OPRL1: variants seen among roughly 807,000 people sequenced by gnomAD.
OPRL1 encodes the protein nociceptin receptor.
A neutral mutation model predicts 15.5 loss-of-function variants in OPRL1; 5 were observed. The observed-to-expected ratio is 0.32, with a 90% CI of 0.17 to 0.68. OPRL1 has a LOEUF of 0.68. OPRL1 is among the 30% of genes least tolerant of loss of function. The pLI is 0.72. For synonymous variants in OPRL1, 223 were observed against 230.2 expected, an observed-to-expected ratio of 0.97 and a Z score of 0.28; for missense variants, 406 against 515.3, an observed-to-expected ratio of 0.79 and a Z score of 2.05.
chr20:64,091,591 A>G (rs1478140128), intron 1 of OPRL1, among the ~76,000 whole-genome samples: 1 of 151,532 alleles, frequency 6.6e-6, no homozygotes, highest in Non-Finnish European at 1.5e-5. Context: ...GGGTGGGGGC[A>G]TTTCGGTGTG....
rs569943752 is a variant in OPRL1, at chr20:64,083,178, G to C, written c.-185+2826G>C. Among the ~76,000 whole-genome samples, 5 of 152,314 alleles carry C rather than the reference G, an allele frequency of 3.3e-5. No homozygotes were observed. The South Asian group carries it at 6.2e-4, about 19-fold the overall frequency. ...ACCCACAGAACGCCAGGTTGCCAGT[G>C]GGGGGCAGATCGGGATTAGGGGTAG... is the stretch of plus-strand genomic sequence containing the variant. On this transcript the variant is annotated intron_variant, in intron 1 of 4. Coordinates refer to ENST00000336866, the MANE Select transcript of OPRL1 (RefSeq NM_182647.4). This position sits in a 1 kb window ranked among gnomAD's most constrained non-coding sequence, Gnocchi z 4.9.
Position 64,100,114 on chromosome 20 carries a change from G to GC in OPRL1, c.*1315_*1316insC, listed in dbSNP as rs1436473257. 1 of 152,130 alleles carries GC rather than the reference G, an allele frequency of 6.6e-6. No homozygotes were observed. Among genetic ancestry groups the GC allele is most frequent in the African/African-American group, 2.4e-5 (1 of 41,392 alleles). 9.4% of individuals were successfully genotyped at this position (152,130 alleles called of 1,614,324 possible). ...TGTGAGGACACTGCGGGGGTTGGGG[G>GC]GGGGGCGTCTGTACCTCAGGGGATG... On this transcript the variant is annotated 3_prime_UTR_variant, in exon 5 of 5. Transcript: ENST00000336866.
chr20:64,083,749 C>T lies in OPRL1; in HGVS notation c.-185+3397C>T. On this transcript the variant is annotated intron_variant, in intron 1 of 4. Transcript: ENST00000336866. The surrounding 1 kb of genome is among the most constrained non-coding windows in gnomAD (Gnocchi z 4.9). ...TGAGCGCGCGCCGAGCCCCGCCCCG[C>T]CCCGCCCCGGCCGGCTCCGCTCAAC... 1 of 1,337,876 alleles carries T rather than the reference C, an allele frequency of 7.5e-7. No homozygotes were observed. Among genetic ancestry groups the T allele is most frequent in the South Asian group, 1.9e-5 (1 of 51,664 alleles). The allele number at this position is 1,337,876 out of a possible 1,614,324, so 82.9% of individuals were successfully genotyped here.
In OPRL1 at chr20:64,097,435, C is replaced by A. The variant is rs1979311864; in HGVS notation, c.234-367C>A. On this transcript the variant is annotated intron_variant, in intron 3 of 4. Transcript: ENST00000336866. This position sits in a 1 kb window ranked among gnomAD's most constrained non-coding sequence, Gnocchi z 4.2. ...GGAGGGGACTCAAAAGCAAGGGGAG[C>A]AGACTCTTTCCCTTAGGGCTCTAAA... Among the ~76,000 whole-genome samples the A allele has an allele frequency of 6.6e-6, 1 of 152,116 alleles. No individual in the cohort carries two copies. The highest frequency in any genetic ancestry group is 2.4e-5 in the African/African-American group (1 of 41,422).
At chr20:64,082,632 G>A (rs1169227192) in intron 1 of OPRL1, among the ~76,000 whole-genome samples, 1 of 152,188 alleles carries the variant, frequency 6.6e-6, no homozygotes, top group Non-Finnish European at 1.5e-5. Flanking sequence ...AAAAGGAAGC[G>A]GGGGCCTAGG....
intron 1 of OPRL1, among the ~76,000 whole-genome samples, chr20:64,088,239 GC>G (rs2060070660): frequency 6.6e-6 from 1 of 152,252 alleles, no homozygotes; most frequent in Non-Finnish European, 1.5e-5. Flanking sequence ...CTGGGGTGGG[GC>G]AGGATCCATG....
At position 64,083,464 on chromosome 20, in the gene OPRL1, T is replaced by C. The variant is rs757740596; in HGVS notation, c.-185+3112T>C. The C allele has an allele frequency of 2.5e-6, 4 of 1,607,572 alleles. No individual in the cohort carries two copies. The highest frequency in any genetic ancestry group is 3.4e-6 in the Non-Finnish European group (4 of 1,177,884). On this transcript the variant is annotated intron_variant, in intron 1 of 4. Coordinates refer to ENST00000336866, the MANE Select transcript of OPRL1 (RefSeq NM_182647.4). The surrounding 1 kb of genome is among the most constrained non-coding windows in gnomAD (Gnocchi z 4.9). Reference sequence around the variant, plus strand: ...CGCGGGAAGATGGTGCCATCCACGTTCTCCTCCAGGATGGTCTCCACGCGC... The same window carrying C: ...CGCGGGAAGATGGTGCCATCCACGTCCTCCTCCAGGATGGTCTCCACGCGC...
At chr20:64,093,162 T>C (rs1274909159) in intron 3 of OPRL1, among the ~76,000 whole-genome samples, 1 of 150,894 alleles carries the variant, frequency 6.6e-6, no homozygotes, top group African/African-American at 2.4e-5. Flanking sequence ...GGGCTGGCCC[T>C]GGCCCACCGC....
intron 3 of OPRL1, among the ~76,000 whole-genome samples, chr20:64,095,512 C>T (rs1421792891): frequency 6.6e-6 from 1 of 150,546 alleles, no homozygotes; most frequent in South Asian, 2.1e-4. Context: ...TGATGGACCT[C>T]AAATCTATCC....
In OPRL1 at chr20:64,097,040, CCAT is replaced by C. The variant is rs878900676; in HGVS notation, c.234-756_234-754del. Among the ~76,000 whole-genome samples, 266 of 7,068 alleles carry C rather than the reference CCAT, an allele frequency of 0.038. 72 individuals carry two copies. Among genetic ancestry groups the C allele is most frequent in the Middle Eastern group, 0.11 (2 of 18 alleles). The allele number at this position is 7,068 out of a possible 152,430, so 4.6% of individuals were successfully genotyped here. ...ACCATCACCATCATCACAGTCATCA[CCAT>C]CATCACCATCATCATCATCACCACT... On this transcript the variant is annotated intron_variant, in intron 3 of 4. Coordinates refer to ENST00000336866, the MANE Select transcript of OPRL1 (RefSeq NM_182647.4). The surrounding 1 kb of genome is among the most constrained non-coding windows in gnomAD (Gnocchi z 4.2).
At position 64,098,803 on chromosome 20, in the gene OPRL1, G is replaced by A. The variant is rs1480739889; in HGVS notation, c.*4G>A. On this transcript the variant is annotated 3_prime_UTR_variant, in exon 5 of 5. Coordinates refer to ENST00000336866, the MANE Select transcript of OPRL1 (RefSeq NM_182647.4). The stretch of plus-strand genomic sequence containing the variant: ...GACGGTACCGCGGCCCGCATGACTA[G>A]GCGTGGACCTGCCCATGGTGCCTGT... 3.8e-6 allele frequency: 6 copies of A among 1,582,946 alleles called. No homozygotes were observed. Among genetic ancestry groups the A allele is most frequent in the Non-Finnish European group, 5.1e-6 (6 of 1,170,224 alleles).
At chr20:64,092,988 C>G in intron 3 of OPRL1, 35 bp downstream of exon 3, 6 of 1,578,538 alleles carry the variant, frequency 3.8e-6, no homozygotes, top group Non-Finnish European at 5.2e-6. Context: ...TCTGGTGAGT[C>G]CCACACGGCT....
Position 64,083,908 on chromosome 20 carries a change from G to A in OPRL1, c.-185+3556G>A, listed in dbSNP as rs113352891. On this transcript the variant is annotated intron_variant, in intron 1 of 4. Coordinates refer to ENST00000336866, the MANE Select transcript of OPRL1 (RefSeq NM_182647.4). This position sits in a 1 kb window ranked among gnomAD's most constrained non-coding sequence, Gnocchi z 4.9. ...CGCCGAGGAGCCGGTTCTGGCGCTC[G>A]GCGGGCAGCTCGAGCGACTGCGTCC... is the stretch of plus-strand genomic sequence containing the variant. The A allele has an allele frequency of 2.1e-6, 3 of 1,446,804 alleles. No individual in the cohort carries two copies. Among genetic ancestry groups the A allele is most frequent in the Non-Finnish European group, 2.7e-6 (3 of 1,105,566 alleles). The allele number at this position is 1,446,804 out of a possible 1,614,324, so 89.6% of individuals were successfully genotyped here.
chr20:64,083,341 G>A lies in OPRL1; in HGVS notation c.-185+2989G>A. On this transcript the variant is annotated intron_variant, in intron 1 of 4. Transcript: ENST00000336866. The surrounding 1 kb of genome is among the most constrained non-coding windows in gnomAD (Gnocchi z 4.9). ...GTCCATACTCCCCGCTTCCCTCGGG[G>A]TCCTGGGGAGTGGCAGCAAAAAGAC... 1 of 1,573,642 alleles carries A rather than the reference G, an allele frequency of 6.4e-7. No individual in the cohort carries two copies.
rs2059951055 is a variant in OPRL1 at position 64,080,175 on chromosome 20, G to C, written c.-362G>C. 6.6e-6 allele frequency: 1 copy of C among 152,182 alleles called. No homozygotes were observed. Among genetic ancestry groups the C allele is most frequent in the Non-Finnish European group, 1.5e-5 (1 of 68,044 alleles). 9.4% of individuals were successfully genotyped at this position (152,182 alleles called of 1,614,324 possible). A position where few individuals can be genotyped will look rare whatever the true frequency, so the allele number is the denominator to read the frequency against. On this transcript the variant is annotated 5_prime_UTR_variant, in exon 1 of 5. Transcript: ENST00000336866. ...GTGGAGCCCTGGCTCCCGGGCGGACGGAGCCGCACGGTAGTAGATGGGGGT... is the reference window on the plus strand; with the variant it reads ...GTGGAGCCCTGGCTCCCGGGCGGACCGAGCCGCACGGTAGTAGATGGGGGT...
At position 64,090,447 on chromosome 20, in the gene OPRL1, C is replaced by T. The variant is rs1041446906; in HGVS notation, c.-184-1519C>T. Among the ~76,000 whole-genome samples the T allele has an allele frequency of 1.3e-5, 2 of 152,188 alleles. No individual in the cohort carries two copies. The highest frequency in any genetic ancestry group is 1.3e-4 in the Admixed American group (2 of 15,290). Reference sequence around the variant, plus strand: ...GCCAGGTATCCTAGCAACGCTGCTGCCAGTTGCCTAGCAACCAGGTCCCCA... The same window carrying T: ...GCCAGGTATCCTAGCAACGCTGCTGTCAGTTGCCTAGCAACCAGGTCCCCA... On this transcript the variant is annotated intron_variant, in intron 1 of 4. Coordinates refer to ENST00000336866, the MANE Select transcript of OPRL1 (RefSeq NM_182647.4). The surrounding 1 kb of genome is among the most constrained non-coding windows in gnomAD (Gnocchi z 4.9).
rs745704885 is a variant in OPRL1, at chr20:64,098,367, C to T, written c.681C>T (p.Pro227=). The T allele has an allele frequency of 8.1e-6, 13 of 1,613,776 alleles. No homozygotes were observed. In the East Asian group the frequency reaches 1.3e-4, roughly 17 times the overall value. Residue 227 remains proline, a synonymous_variant, in exon 5 of 5, where the codon CCC becomes CCT. Transcript: ENST00000336866. ...ICIFLFSFIV[P]VLVISVCYSL... ...TCTTCCTCTTCTCCTTCATCGTCCC[C>T]GTGCTCGTCATCTCTGTCTGCTACA... is the stretch of plus-strand genomic sequence containing the variant.
chr20:64,086,041 G>A (rs1198661790), intron 1 of OPRL1, among the ~76,000 whole-genome samples: 1 of 152,182 alleles, frequency 6.6e-6, no homozygotes, highest in Non-Finnish European at 1.5e-5. Flanking sequence ...TTGGCTTGAG[G>A]AAGGTCCCTG....
chr20:64,085,439 A>T (rs1019792252), intron 1 of OPRL1, among the ~76,000 whole-genome samples: 10 of 152,130 alleles, frequency 6.6e-5, no homozygotes, highest in Non-Finnish European at 1.5e-4. Flanking sequence ...GTTTTGCTGA[A>T]CACTGTGTCT....
Sources: allele counts gnomAD v4.1 joint callset (sites outside exome capture counted in the v4.1 genomes callset), GRCh38; gene constraint gnomAD v4.1.1; non-coding constraint Gnocchi (gnomAD v3.1); transcripts MANE v1.5; gene names NCBI Gene and HGNC (gene_info 2026-07-23, HGNC 2026-07-21).